The following CAV1 variants were observed in gnomAD, a reference collection of about 807,000 sequenced individuals.
CAV1 encodes caveolin 1.
CAV1 carries 10 observed loss-of-function variants against 16.5 expected under a neutral mutation model. That is an observed-to-expected ratio of 0.61 (90% confidence interval 0.37 to 1.03). The LOEUF (loss-of-function observed/expected upper bound fraction) is 1.03, where lower values mean the gene tolerates loss of function less well. Among genes scored for constraint, CAV1 ranks in the 50% least tolerant of loss-of-function variants. The probability of loss-of-function intolerance (pLI) is 0.01; values close to 1 mark genes in which losing one functional copy is unlikely to be tolerated. For missense variants in CAV1, 212 were observed against 232.8 expected, an observed-to-expected ratio of 0.91 and a Z score of 0.58; for synonymous variants, 76 against 85.1, an observed-to-expected ratio of 0.89 and a Z score of 0.59.
chr7:116,561,042 T>G lies in CAV1; in HGVS notation c.*1755T>G, dbSNP rs1421648457. 1 of 152,638 alleles carries G rather than the reference T, an allele frequency of 6.6e-6. No homozygotes were observed. Among genetic ancestry groups the G allele is most frequent in the Non-Finnish European group, 1.5e-5 (1 of 68,036 alleles). The allele number at this position is 152,638 out of a possible 1,614,324, so 9.5% of individuals were successfully genotyped here. A position where few individuals can be genotyped will look rare whatever the true frequency, so the allele number is the denominator to read the frequency against. ...GACATGTCTGTTCTACATAGATGCTTAGTCCCTCATGCAAATCAATTACTG... is the reference window on the plus strand; with the variant it reads ...GACATGTCTGTTCTACATAGATGCTGAGTCCCTCATGCAAATCAATTACTG... On this transcript the variant is annotated 3_prime_UTR_variant, in exon 3 of 3. Transcript: ENST00000341049.
Position 116,559,682 on chromosome 7 carries a change from T to G in CAV1, c.*395T>G. The stretch of plus-strand genomic sequence containing the variant: ...CTCCAAAATGTTGGTCATTTTATGT[T>G]AAGGGAAGAATTCCAGGGTATGGCC... On this transcript the variant is annotated 3_prime_UTR_variant, in exon 3 of 3. Transcript: ENST00000341049. 1 of 527,222 alleles carries G rather than the reference T, an allele frequency of 1.9e-6. No individual in the cohort carries two copies. Among genetic ancestry groups the G allele is most frequent in the Non-Finnish European group, 3.3e-6 (1 of 304,932 alleles). The allele number at this position is 527,222 out of a possible 1,614,324, so 32.7% of individuals were successfully genotyped here.
rs1209475822 is a variant in CAV1, at chr7:116,525,729, T to C, written c.30+637T>C. On this transcript the variant is annotated intron_variant, in intron 1 of 2. Coordinates refer to ENST00000341049, the MANE Select transcript of CAV1 (RefSeq NM_001753.5). ...CTGCCCGGGTGTGGAAACCTCGTCT[T>C]CCAACACGTAGCTGCCCTTCAGCCA... The C allele has an allele frequency of 4.7e-6, 5 of 1,056,724 alleles. No homozygotes were observed. In the East Asian group the frequency reaches 4.1e-4, roughly 86 times the overall value. The allele number at this position is 1,056,724 out of a possible 1,614,324, so 65.5% of individuals were successfully genotyped here. A position where few individuals can be genotyped will look rare whatever the true frequency, so the allele number is the denominator to read the frequency against.
intron 2 of CAV1, among the ~76,000 whole-genome samples, chr7:116,547,108 T>C (rs993547025): frequency 1.3e-5 from 2 of 152,164 alleles, no homozygotes; most frequent in African/African-American, 2.4e-5. Context: ...CCAGTCATAT[T>C]TGATGAGGGT....
intron 2 of CAV1, among the ~76,000 whole-genome samples, chr7:116,534,851 A>T (rs1393799579): frequency 6.6e-6 from 1 of 152,152 alleles, no homozygotes; most frequent in African/African-American, 2.4e-5. Flanking sequence ...ACCCTGGTTG[A>T]TTCTACCTGA....
intron 2 of CAV1, among the ~76,000 whole-genome samples, chr7:116,539,595 ATT>A (rs1240859381): frequency 6.6e-6 from 1 of 152,178 alleles, no homozygotes; most frequent in African/African-American, 2.4e-5. Flanking sequence ...CATTTAGTCT[ATT>A]TACTTAGGTG....
At chr7:116,535,448 G>A (rs1038421630) in intron 2 of CAV1, among the ~76,000 whole-genome samples, 3 of 152,200 alleles carry the variant, frequency 2.0e-5, no homozygotes, top group Admixed American at 6.5e-5. Context: ...CAGGGTTAAT[G>A]AGACTGACAT....
chr7:116,555,592 G>C (rs1432001772), intron 2 of CAV1, among the ~76,000 whole-genome samples: 1 of 82,606 alleles, frequency 1.2e-5, no homozygotes, highest in Admixed American at 1.5e-4. Flanking sequence ...AAGAAAGAAA[G>C]AAAGAAAGAA....
intron 2 of CAV1, among the ~76,000 whole-genome samples, chr7:116,533,039 A>T (rs1271347876): frequency 6.6e-6 from 1 of 152,192 alleles, no homozygotes; most frequent in Non-Finnish European, 1.5e-5. Context: ...GTCTAAAAGC[A>T]GTTAATAAAT....
At chr7:116,555,448 A>AAAAGGAAGGAAGGAAGG (rs1794242412) in intron 2 of CAV1, among the ~76,000 whole-genome samples, 1 of 37,352 alleles carries the variant, frequency 2.7e-5, no homozygotes, top group Admixed American at 3.7e-4. Flanking sequence ...CCAAAAAAAG[A>AAAAGGAAGGAAGGAAGG]AAGGAAGGAA....
intron 2 of CAV1, among the ~76,000 whole-genome samples, chr7:116,545,242 C>T (rs1451018285): frequency 6.6e-6 from 1 of 152,128 alleles, no homozygotes; most frequent in African/African-American, 2.4e-5. Context: ...GGTAGAGAAG[C>T]GGGGATGCTT....
chr7:116,558,843 C>A, intron 2 of CAV1, 103 bp from the exon 3 acceptor site: 1 of 857,344 alleles, frequency 1.2e-6, no homozygotes. Context: ...AAAGAACGAA[C>A]TCATAAATGC....
intron 2 of CAV1, among the ~76,000 whole-genome samples, chr7:116,546,000 A>G (rs574389296): frequency 2.0e-5 from 3 of 152,336 alleles, no homozygotes; most frequent in South Asian, 2.1e-4. Context: ...GGAACTTTCA[A>G]CACTTGGAGG....
At chr7:116,526,488 C>G (rs1467707520) in intron 1 of CAV1, 37 bp from the exon 2 acceptor site, 1 of 1,613,222 alleles carries the variant, frequency 6.2e-7, no homozygotes, top group South Asian at 1.1e-5. Flanking sequence ...CGTTGCCGCC[C>G]TCCCCGTCCT....
chr7:116,555,518 A>AAGAAAGAAAGAAAG lies in CAV1; in HGVS notation c.196-3425_196-3424insAAGAAAGAAAGAGA, dbSNP rs1554357869. On this transcript the variant is annotated intron_variant, in intron 2 of 2. Transcript: ENST00000341049. ...AAAGAAAGAAAGAAAGAAAGAAAGAAAGAGAGAGAGAGAGAGAGAGAGAGA... is the reference window on the plus strand; with the variant it reads ...AAAGAAAGAAAGAAAGAAAGAAAGAAAGAAAGAAAGAAAGAGAGAGAGAGAGAGAGAGAGAGAGA... 1.1e-3 allele frequency among the ~76,000 whole-genome samples: 16 copies of AAGAAAGAAAGAAAG among 14,054 alleles called. 4 individuals are homozygous for AAGAAAGAAAGAAAG. The highest frequency in any genetic ancestry group is 0.011 in the South Asian group (2 of 174). The allele number at this position is 14,054 out of a possible 152,430, so 9.2% of individuals were successfully genotyped here. A position where few individuals can be genotyped will look rare whatever the true frequency, so the allele number is the denominator to read the frequency against.
intron 2 of CAV1, among the ~76,000 whole-genome samples, chr7:116,537,860 A>G (rs540745021): frequency 6.6e-6 from 1 of 152,276 alleles, no homozygotes; most frequent in South Asian, 2.1e-4. Flanking sequence ...AGCCCCAAAG[A>G]CCAGAAATGG....
intron 2 of CAV1, among the ~76,000 whole-genome samples, chr7:116,540,845 T>C (rs1793920964): frequency 6.6e-6 from 1 of 152,220 alleles, no homozygotes. Flanking sequence ...GATAGAGCTG[T>C]CATTTTTGTG....
chr7:116,531,638 G>A (rs1034298938), intron 2 of CAV1, among the ~76,000 whole-genome samples: 4 of 152,168 alleles, frequency 2.6e-5, no homozygotes, highest in African/African-American at 9.6e-5. Flanking sequence ...TGCACAATGT[G>A]CAGGTTAGTT....
intron 2 of CAV1, among the ~76,000 whole-genome samples, chr7:116,531,518 T>C (rs773493888): frequency 6.6e-6 from 1 of 152,252 alleles, no homozygotes; most frequent in African/African-American, 2.4e-5. Flanking sequence ...TGGTGATTAA[T>C]ATCAGTATAA....
chr7:116,548,835 A>G (rs1794103805), intron 2 of CAV1, among the ~76,000 whole-genome samples: 1 of 152,128 alleles, frequency 6.6e-6, no homozygotes, highest in South Asian at 2.1e-4. Flanking sequence ...ACAGGGCATG[A>G]TGTGAATCCA....
Sources: gnomAD v4.1 joint callset for allele counts (sites outside exome capture counted in the v4.1 genomes callset) on GRCh38, gnomAD v4.1.1 for gene constraint, MANE v1.5 for transcripts, NCBI Gene and HGNC (gene_info 2026-07-23, HGNC 2026-07-21) for gene names.